Variants in PIP4K2A observed in about 807,000 individuals in gnomAD.
PIP4K2A encodes the protein phosphatidylinositol 5-phosphate 4-kinase type-2 alpha.
Under a neutral mutation model 42.9 loss-of-function variants are expected in PIP4K2A, and 14 were observed. The observed-to-expected ratio is 0.33, with a 90% CI of 0.22 to 0.51. The LOEUF is 0.51. Ranked by LOEUF, PIP4K2A falls within the 20% of genes least tolerant of loss-of-function variation. PIP4K2A has a pLI of 0.97. For missense variants in PIP4K2A, 434 were observed against 519.8 expected (o/e 0.83, Z 1.61); for synonymous variants, 192 against 192.2 (o/e 1.00, Z 0.01).
chr10:22,685,010 G>A (rs1049335216), intron 1 of PIP4K2A, among the ~76,000 whole-genome samples: 16 of 152,192 alleles, frequency 1.1e-4, no homozygotes, highest in Admixed American at 6.5e-4. Flanking sequence ...AACAGAAACC[G>A]CATTACTGGT....
At chr10:22,658,328 T>C (rs1839141044) in intron 1 of PIP4K2A, among the ~76,000 whole-genome samples, 1 of 152,196 alleles carries the variant, frequency 6.6e-6, no homozygotes, top group Admixed American at 6.5e-5. Flanking sequence ...AGCAAGGTTA[T>C]TACCGGAAAG....
chr10:22,593,241 G>GCA (rs1369669237), intron 3 of PIP4K2A, among the ~76,000 whole-genome samples: 1 of 152,112 alleles, frequency 6.6e-6, no homozygotes, highest in Admixed American at 6.5e-5. Flanking sequence ...TTCTGCAATA[G>GCA]CACACCTTGA....
intron 1 of PIP4K2A, among the ~76,000 whole-genome samples, chr10:22,663,778 C>T (rs1839253917): frequency 1.3e-5 from 2 of 151,554 alleles, no homozygotes; most frequent in Non-Finnish European, 2.9e-5. Flanking sequence ...CACATAAATA[C>T]ACAGTCACAT....
At chr10:22,625,610 A>G (rs1333174110) in intron 1 of PIP4K2A, among the ~76,000 whole-genome samples, 1 of 152,102 alleles carries the variant, frequency 6.6e-6, no homozygotes, top group African/African-American at 2.4e-5. Flanking sequence ...TGGGCTTTGG[A>G]GTTAAAAAAA....
intron 1 of PIP4K2A, among the ~76,000 whole-genome samples, chr10:22,697,702 G>C (rs1364455941): frequency 6.6e-6 from 1 of 151,498 alleles, no homozygotes. Flanking sequence ...CTCCAGCCTG[G>C]GTAACAGGGC....
chr10:22,634,205 C>T (rs1232573378), intron 1 of PIP4K2A, among the ~76,000 whole-genome samples: 2 of 152,190 alleles, frequency 1.3e-5, no homozygotes, highest in Non-Finnish European at 2.9e-5. Flanking sequence ...CCAAAGAGCC[C>T]AGCCAAAGAG....
intron 1 of PIP4K2A, among the ~76,000 whole-genome samples, chr10:22,623,162 A>ACT (rs1181836259): frequency 6.6e-6 from 1 of 151,924 alleles, no homozygotes; most frequent in East Asian, 1.9e-4. Context: ...GCTACCATTG[A>ACT]CTTTTTTTTT....
intron 1 of PIP4K2A, among the ~76,000 whole-genome samples, chr10:22,628,131 GCCAATGATTAAGTTTCTGTTTA>G (rs1264140724): frequency 6.8e-6 from 1 of 147,072 alleles, no homozygotes; most frequent in Non-Finnish European, 1.5e-5. Context: ...AAGCTACAAT[GCCAATGATTAAGTTTCTGTTTA>G]CCAAGTTACC....
intron 3 of PIP4K2A, among the ~76,000 whole-genome samples, chr10:22,600,771 T>C (rs556921248): frequency 6.6e-6 from 1 of 151,902 alleles, no homozygotes; most frequent in African/African-American, 2.4e-5. Flanking sequence ...CGCCAGAGAG[T>C]TGAAGACCAA....
At chr10:22,549,569 T>A (rs1305564475) in intron 7 of PIP4K2A, among the ~76,000 whole-genome samples, 3 of 151,694 alleles carry the variant, frequency 2.0e-5, no homozygotes, top group Non-Finnish European at 4.4e-5. Flanking sequence ...TGGCCGGGCT[T>A]GGTGGCTGAC....
At chr10:22,555,901 A>G (rs1836529758) in intron 6 of PIP4K2A, among the ~76,000 whole-genome samples, 1 of 150,714 alleles carries the variant, frequency 6.6e-6, no homozygotes, top group Admixed American at 6.6e-5. Flanking sequence ...TGAGCTTAAA[A>G]AAAAAAAAAA....
At chr10:22,658,498 C>T (rs1839144054) in intron 1 of PIP4K2A, among the ~76,000 whole-genome samples, 1 of 152,128 alleles carries the variant, frequency 6.6e-6, no homozygotes, top group Non-Finnish European at 1.5e-5. Flanking sequence ...AAAAGTAAAG[C>T]AGGAAGGATA....
intron 1 of PIP4K2A, among the ~76,000 whole-genome samples, chr10:22,613,311 G>A (rs375129699): frequency 8.5e-5 from 13 of 152,138 alleles, no homozygotes; most frequent in African/African-American, 2.9e-4. Context: ...GGGAAGGACA[G>A]GAGCGAGATG....
intron 2 of PIP4K2A, 94 bp downstream of exon 2, chr10:22,609,526 C>A: frequency 1.4e-6 from 1 of 738,410 alleles, no homozygotes; most frequent in Non-Finnish European, 2.4e-6. Context: ...AACTTTACTC[C>A]CACCCATTGA....
At chr10:22,599,961 C>T (rs543706738) in intron 3 of PIP4K2A, among the ~76,000 whole-genome samples, 9 of 152,226 alleles carry the variant, frequency 5.9e-5, no homozygotes, top group South Asian at 2.1e-4. Context: ...TTCCTCTAAA[C>T]GTCTGCGCTG....
rs556968225 is a variant in PIP4K2A, at chr10:22,699,131, C to T, written c.144+15052G>A. Among the ~76,000 whole-genome samples the T allele has an allele frequency of 2.6e-5, 4 of 152,148 alleles. No homozygotes were observed. The East Asian group carries it at 7.7e-4, about 29-fold the overall frequency. On this transcript the variant is annotated intron_variant, in intron 1 of 9. Coordinates refer to ENST00000376573, the MANE Select transcript of PIP4K2A (RefSeq NM_005028.5). ...ATTTGCTCCTGTCCTCCTACTTTGG[C>T]GCAACGTGCCAAAAAGAAAGTGCCT...
intron 6 of PIP4K2A, among the ~76,000 whole-genome samples, chr10:22,567,036 T>C (rs2130786530): frequency 6.6e-6 from 1 of 152,326 alleles, no homozygotes; most frequent in African/African-American, 2.4e-5. Context: ...CTGCTATCAG[T>C]CTAAAAGAAC....
intron 1 of PIP4K2A, among the ~76,000 whole-genome samples, chr10:22,632,872 C>T (rs1308883357): frequency 2.0e-5 from 3 of 152,146 alleles, no homozygotes; most frequent in South Asian, 2.1e-4. Context: ...TTGTAGGAAG[C>T]GGTTGAGTTT....
intron 4 of PIP4K2A, among the ~76,000 whole-genome samples, chr10:22,574,035 C>T (rs759871432): frequency 2.6e-5 from 4 of 152,210 alleles, no homozygotes; most frequent in African/African-American, 4.8e-5. Context: ...CTGCCTTGTC[C>T]CTGCTGGTTT....
Sources: allele counts gnomAD v4.1 joint callset (sites outside exome capture counted in the v4.1 genomes callset), GRCh38; gene constraint gnomAD v4.1.1; transcripts MANE v1.5; gene names NCBI Gene and HGNC (gene_info 2026-07-23, HGNC 2026-07-21).